The following DNMT3A variants were observed in gnomAD, a reference collection of about 807,000 sequenced individuals.
The protein encoded by DNMT3A is DNA (cytosine-5)-methyltransferase 3A.
In DNMT3A, 267 loss-of-function variants were observed where a neutral mutation model predicts 117.6. The ratio of observed to expected loss-of-function variants is 2.27; its 90% CI spans 2.05 to 2.51. The LOEUF (loss-of-function observed/expected upper bound fraction) is 2.51, where lower values mean the gene tolerates loss of function less well. DNMT3A is among the 30% of genes most tolerant of loss of function. DNMT3A has a pLI of 0.00. For synonymous variants in DNMT3A, 432 were observed against 474.8 expected (o/e 0.91, Z 1.17); for missense variants, 1,029 against 1,260.2 (o/e 0.82, Z 2.78).
At chr2:25,292,799 G>A (rs1158925373) in intron 3 of DNMT3A, among the ~76,000 whole-genome samples, 1 of 152,092 alleles carries the variant, frequency 6.6e-6, no homozygotes, top group Non-Finnish European at 1.5e-5. Context: ...AGGTGGGGAT[G>A]ATGAAAGAAA....
chr2:25,268,496 C>T (rs562820710), intron 6 of DNMT3A, among the ~76,000 whole-genome samples: 8 of 152,260 alleles, frequency 5.3e-5, no homozygotes, highest in Non-Finnish European at 1.0e-4. Context: ...GCTAATGAAG[C>T]GAGAGGCCCT....
At chr2:25,302,413 T>C (rs1041983146) in intron 2 of DNMT3A, among the ~76,000 whole-genome samples, 1 of 151,884 alleles carries the variant, frequency 6.6e-6, no homozygotes, top group African/African-American at 2.4e-5. Context: ...AAGAGGGCAA[T>C]TTAAGGAGCA....
chr2:25,246,505 C>T (rs1004794829), intron 10 of DNMT3A, 115 bp downstream of exon 10: 6 of 1,482,208 alleles, frequency 4.0e-6, no homozygotes, highest in Admixed American at 2.3e-5. Context: ...CCGGCTGTTC[C>T]CACTGGGCCC....
intron 9 of DNMT3A, 99 bp from the exon 10 acceptor site, chr2:25,246,875 C>A: frequency 6.4e-7 from 1 of 1,552,410 alleles, no homozygotes; most frequent in Non-Finnish European, 8.7e-7. Context: ...GTGGCACAGG[C>A]AAGATGGGGA....
At chr2:25,269,910 T>C (rs2030714651) in intron 6 of DNMT3A, among the ~76,000 whole-genome samples, 1 of 151,952 alleles carries the variant, frequency 6.6e-6, no homozygotes, top group Non-Finnish European at 1.5e-5. Flanking sequence ...CTGAAGGGGG[T>C]AATCTGGGAG....
intron 1 of DNMT3A, among the ~76,000 whole-genome samples, chr2:25,331,081 AAAAC>A (rs1337051772): frequency 4.6e-5 from 7 of 152,216 alleles, no homozygotes; most frequent in Admixed American, 6.5e-5. Context: ...AGCAATGCTC[AAAAC>A]AAACAACACC....
intron 14 of DNMT3A, 81 bp downstream of exon 14, chr2:25,244,459 G>A (rs902849280): frequency 6.5e-7 from 1 of 1,543,336 alleles, no homozygotes; most frequent in Non-Finnish European, 8.9e-7. Context: ...GGTCTGTGGG[G>A]AAGGGAGAGG....
Position 25,296,503 on chromosome 2 carries a change from G to A in DNMT3A, c.177+3636C>T, listed in dbSNP as rs1399576908. Among the ~76,000 whole-genome samples, 2 of 152,212 alleles carry A rather than the reference G, an allele frequency of 1.3e-5. No individual in the cohort carries two copies. The highest frequency in any genetic ancestry group is 3.8e-4 in the East Asian group (2 of 5,198). On this transcript the variant is annotated intron_variant, in intron 3 of 22. Transcript: ENST00000321117. This position sits in a 1 kb window ranked among gnomAD's most constrained non-coding sequence, Gnocchi z 4.2. Reference sequence around the variant, plus strand: ...TTGTCCCCTAAAAAATGGAGTCCCGGGGGGTTCCTGAAGAAGGACGTGCCG... The same window carrying A: ...TTGTCCCCTAAAAAATGGAGTCCCGAGGGGTTCCTGAAGAAGGACGTGCCG...
intron 1 of DNMT3A, among the ~76,000 whole-genome samples, chr2:25,336,017 C>T (rs1208380876): frequency 1.3e-5 from 2 of 152,126 alleles, no homozygotes; most frequent in African/African-American, 2.4e-5. Context: ...GGCGTCTGCA[C>T]CTCCCTTACC....
At chr2:25,325,978 G>A (rs1488964935) in intron 1 of DNMT3A, among the ~76,000 whole-genome samples, 2 of 152,232 alleles carry the variant, frequency 1.3e-5, no homozygotes, top group Non-Finnish European at 2.9e-5. Flanking sequence ...CTCTGGCTGA[G>A]TGTGGAGGAA....
intron 1 of DNMT3A, among the ~76,000 whole-genome samples, chr2:25,318,249 A>G (rs141828445): frequency 6.6e-6 from 1 of 152,116 alleles, no homozygotes; most frequent in African/African-American, 2.4e-5. Flanking sequence ...CAACAAGTCC[A>G]CTATCATTCT....
chr2:25,241,585 C>A lies in DNMT3A; in HGVS notation c.2059G>T (p.Val687Phe). The A allele has an allele frequency of 6.2e-7, 1 of 1,613,970 alleles. No homozygotes were observed. Among genetic ancestry groups the A allele is most frequent in the Non-Finnish European group, 8.5e-7 (1 of 1,179,934 alleles). ...HQGKIMYVGD[V>F]RSVTQKHIQE... Reference sequence around the variant, plus strand: ...ACATGCTTCTGTGTGACGCTGCGGACGTCCCCGACGTACATGATCTTCCCC... The same window carrying A: ...ACATGCTTCTGTGTGACGCTGCGGAAGTCCCCGACGTACATGATCTTCCCC... Residue 687 changes from valine to phenylalanine, a missense_variant, in exon 17 of 23, where the codon GTC (valine) becomes TTC (phenylalanine). Transcript: ENST00000321117.
At chr2:25,253,957 A>G (rs942906568) in intron 6 of DNMT3A, among the ~76,000 whole-genome samples, 2 of 152,222 alleles carry the variant, frequency 1.3e-5, no homozygotes, top group African/African-American at 2.4e-5. Context: ...CAGTAATCCC[A>G]GCTACTTGGG....
rs2033206197 is a variant in DNMT3A, at chr2:25,298,150, C to A, written c.177+1989G>T. On this transcript the variant is annotated intron_variant, in intron 3 of 22. Transcript: ENST00000321117. The surrounding 1 kb of genome is among the most constrained non-coding windows in gnomAD (Gnocchi z 4.3). ...GAAGGGGAACCTGAGGTTCAGGCAG[C>A]AGCAGTTCAAGGTTACACAGGTGGT... Among the ~76,000 whole-genome samples, 2 of 152,234 alleles carry A rather than the reference C, an allele frequency of 1.3e-5. 1 individual carries two copies. The highest frequency in any genetic ancestry group is 4.1e-4 in the South Asian group (2 of 4,826).
At chr2:25,261,110 A>G (rs919891002) in intron 6 of DNMT3A, among the ~76,000 whole-genome samples, 1 of 152,124 alleles carries the variant, frequency 6.6e-6, no homozygotes, top group Non-Finnish European at 1.5e-5. Context: ...CCTGGCCAAC[A>G]TGGTGAAAAC....
rs1475446466 is a variant in DNMT3A, at chr2:25,320,540, C to T, written c.-177-6379G>A. Among the ~76,000 whole-genome samples the T allele has an allele frequency of 3.3e-5, 5 of 151,582 alleles. 1 individual carries two copies. Among genetic ancestry groups the T allele is most frequent in the African/African-American group, 4.8e-5 (2 of 41,256 alleles). On this transcript the variant is annotated intron_variant, in intron 1 of 22. Coordinates refer to ENST00000321117, the MANE Select transcript of DNMT3A (RefSeq NM_022552.5). ...AAAAGAAAAAGAAGTCCTAAGGTAA[C>T]AGTATTGTTAAAGAAAAATAAAATT...
intron 6 of DNMT3A, among the ~76,000 whole-genome samples, chr2:25,265,416 G>A (rs546185900): frequency 6.6e-6 from 1 of 152,342 alleles, no homozygotes; most frequent in South Asian, 2.1e-4. Context: ...AGCAACACGA[G>A]ATTTGGAGTC....
At position 25,252,300 on chromosome 2, in the gene DNMT3A, G is replaced by A; in HGVS notation, c.640-4048C>T. The stretch of plus-strand genomic sequence containing the variant: ...TTGGGGGAGGGGAAGGGGGCGATGG[G>A]GCTGGGGGCGGAGGGGGCCACTGGG... On this transcript the variant is annotated intron_variant, in intron 6 of 22. Transcript: ENST00000321117. The surrounding 1 kb of genome is among the most constrained non-coding windows in gnomAD (Gnocchi z 5.5). 1.0e-6 allele frequency: 1 copy of A among 964,064 alleles called. No homozygotes were observed. The allele number at this position is 964,064 out of a possible 1,614,324, so 59.7% of individuals were successfully genotyped here. A position where few individuals can be genotyped will look rare whatever the true frequency, so the allele number is the denominator to read the frequency against.
chr2:25,289,604 A>C (rs2032594736), intron 3 of DNMT3A, among the ~76,000 whole-genome samples: 1 of 152,180 alleles, frequency 6.6e-6, no homozygotes, highest in Admixed American at 6.5e-5. Context: ...GGTACAGGCG[A>C]GGCATTTGAA....
Sources: allele counts gnomAD v4.1 joint callset (sites outside exome capture counted in the v4.1 genomes callset), GRCh38; gene constraint gnomAD v4.1.1; non-coding constraint Gnocchi (gnomAD v3.1); transcripts MANE v1.5; gene names NCBI Gene and HGNC (gene_info 2026-07-23, HGNC 2026-07-21).